The following SIPA1L1 variants were observed in gnomAD, a reference collection of about 807,000 sequenced individuals.
The protein encoded by SIPA1L1 is signal-induced proliferation-associated 1-like protein 1.
A neutral mutation model predicts 162.7 loss-of-function variants in SIPA1L1; 26 were observed. That is an observed-to-expected ratio of 0.16 (90% CI 0.12 to 0.22). The LOEUF is 0.22. Ranked by LOEUF, SIPA1L1 falls within the 10% of genes least tolerant of loss-of-function variation. The pLI is 1.00. For missense variants in SIPA1L1, 1,874 were observed against 2,241.0 expected (o/e 0.84, Z 3.31); for synonymous variants, 829 against 837.4 (o/e 0.99, Z 0.17).
intron 8 of SIPA1L1, among the ~76,000 whole-genome samples, chr14:71,657,440 T>G (rs571388259): frequency 6.6e-6 from 1 of 152,048 alleles, no homozygotes; most frequent in African/African-American, 2.4e-5. Context: ...TAAGTCCAGA[T>G]CCTTTGAGTC....
intron 2 of SIPA1L1, among the ~76,000 whole-genome samples, chr14:71,423,459 G>A (rs1057256169): frequency 6.6e-6 from 1 of 152,064 alleles, no homozygotes; most frequent in Non-Finnish European, 1.5e-5. Context: ...ATAGTTTTAG[G>A]TCTTACATTT....
At chr14:71,561,665 G>T (rs1404649630) in intron 4 of SIPA1L1, among the ~76,000 whole-genome samples, 1 of 152,202 alleles carries the variant, frequency 6.6e-6, no homozygotes, top group Non-Finnish European at 1.5e-5. Flanking sequence ...TCGGCTCACT[G>T]CAAACTCCTC....
At chr14:71,491,105 A>G (rs2049210455) in intron 2 of SIPA1L1, among the ~76,000 whole-genome samples, 3 of 152,238 alleles carry the variant, frequency 2.0e-5, no homozygotes, top group Admixed American at 6.5e-5. Context: ...AAAAATAAAA[A>G]GAAATTAAAT....
At chr14:71,523,314 A>AT (rs1214847782) in intron 3 of SIPA1L1, among the ~76,000 whole-genome samples, 4 of 151,896 alleles carry the variant, frequency 2.6e-5, no homozygotes, top group Non-Finnish European at 5.9e-5. Flanking sequence ...TTTAGATGAA[A>AT]GTTATGACTC....
chr14:71,368,176 A>G (rs1044728800), intron 2 of SIPA1L1, among the ~76,000 whole-genome samples: 5 of 64,010 alleles, frequency 7.8e-5, no homozygotes, highest in Non-Finnish European at 1.7e-4. Flanking sequence ...TTTTTTTATT[A>G]TACTTTAAGT....
At chr14:71,569,166 A>G (rs180893427) in intron 4 of SIPA1L1, among the ~76,000 whole-genome samples, 1 of 152,278 alleles carries the variant, frequency 6.6e-6, no homozygotes, top group African/African-American at 2.4e-5. Context: ...AAGACAGGTA[A>G]GGGGGAAAGA....
chr14:71,491,064 C>T (rs2049205777), intron 2 of SIPA1L1, among the ~76,000 whole-genome samples: 1 of 152,066 alleles, frequency 6.6e-6, no homozygotes, highest in Non-Finnish European at 1.5e-5. Flanking sequence ...CCTCAGAGTC[C>T]TCCCTTCAAA....
At chr14:71,451,789 G>A (rs779670231) in intron 2 of SIPA1L1, among the ~76,000 whole-genome samples, 2 of 151,906 alleles carry the variant, frequency 1.3e-5, no homozygotes, top group Admixed American at 6.6e-5. Flanking sequence ...TAATTAGCTC[G>A]ATTTAGCCAT....
intron 16 of SIPA1L1, among the ~76,000 whole-genome samples, chr14:71,706,681 C>T (rs898596241): frequency 3.9e-5 from 6 of 152,148 alleles, no homozygotes; most frequent in Non-Finnish European, 8.8e-5. Flanking sequence ...ACTAGAGTAA[C>T]ACCAATAAAG....
chr14:71,483,765 A>C (rs1277206348), intron 2 of SIPA1L1, among the ~76,000 whole-genome samples: 1 of 152,194 alleles, frequency 6.6e-6, no homozygotes, highest in South Asian at 2.1e-4. Context: ...CACTGGAGAA[A>C]GTTCAGGAGT....
chr14:71,393,180 G>A (rs1360005477), intron 2 of SIPA1L1, among the ~76,000 whole-genome samples: 2 of 152,144 alleles, frequency 1.3e-5, no homozygotes, highest in Admixed American at 6.5e-5. Flanking sequence ...GCAAGACCAC[G>A]TTGTATTTTG....
At chr14:71,614,565 G>A (rs899615546) in intron 5 of SIPA1L1, among the ~76,000 whole-genome samples, 1 of 152,150 alleles carries the variant, frequency 6.6e-6, no homozygotes, top group Non-Finnish European at 1.5e-5. Flanking sequence ...GGCTGGAAAA[G>A]CTATTTGGGA....
chr14:71,677,453 G>A (rs2045326382), intron 12 of SIPA1L1, among the ~76,000 whole-genome samples: 3 of 152,090 alleles, frequency 2.0e-5, no homozygotes, highest in Admixed American at 6.6e-5. Context: ...AGTTTATTTT[G>A]GTGTGCAGAA....
intron 5 of SIPA1L1, among the ~76,000 whole-genome samples, chr14:71,604,751 C>T (rs887209387): frequency 5.3e-5 from 8 of 151,992 alleles, no homozygotes; most frequent in African/African-American, 1.7e-4. Context: ...AAGTTTTCTG[C>T]TTAGAATCCA....
chr14:71,621,911 TA>T (rs766493466), intron 6 of SIPA1L1, among the ~76,000 whole-genome samples: 36 of 152,322 alleles, frequency 2.4e-4, no homozygotes, highest in Non-Finnish European at 3.8e-4. Context: ...TTTTTCTCTC[TA>T]ATAATAAATA....
At chr14:71,442,423 CT>C (rs2044971256) in intron 2 of SIPA1L1, among the ~76,000 whole-genome samples, 1 of 152,004 alleles carries the variant, frequency 6.6e-6, no homozygotes, top group Non-Finnish European at 1.5e-5. Flanking sequence ...GATTTTTCCC[CT>C]GGCAACTTGG....
At chr14:71,408,664 G>A (rs910188243) in intron 2 of SIPA1L1, among the ~76,000 whole-genome samples, 2 of 152,016 alleles carry the variant, frequency 1.3e-5, no homozygotes, top group East Asian at 3.9e-4. Flanking sequence ...TTCCCCCCTG[G>A]TTTTGGAACT....
intron 7 of SIPA1L1, among the ~76,000 whole-genome samples, chr14:71,631,053 A>T (rs969381372): frequency 1.3e-5 from 2 of 151,930 alleles, no homozygotes; most frequent in Non-Finnish European, 2.9e-5. Context: ...CCTGTGTGTG[A>T]TGTTCCCCAC....
chr14:71,443,243 G>C (rs537350259), intron 2 of SIPA1L1, among the ~76,000 whole-genome samples: 1 of 152,138 alleles, frequency 6.6e-6, no homozygotes, highest in South Asian at 2.1e-4. Flanking sequence ...TAATTTTGTA[G>C]TCCAGTATCT....
Sources: allele counts gnomAD v4.1 joint callset (sites outside exome capture counted in the v4.1 genomes callset), GRCh38; gene constraint gnomAD v4.1.1; transcripts MANE v1.5; gene names NCBI Gene and HGNC (gene_info 2026-07-23, HGNC 2026-07-21).